Variants in TBC1D9 observed in about 807,000 individuals in gnomAD.
TBC1D9 encodes TBC1 domain family member 9A.
A neutral mutation model predicts 132.0 loss-of-function variants in TBC1D9; 63 were observed. The ratio of observed to expected loss-of-function variants is 0.48; its 90% CI spans 0.39 to 0.59. TBC1D9 has a LOEUF of 0.59. TBC1D9 is among the 20% of genes least tolerant of loss of function. The pLI, the probability that TBC1D9 is intolerant of heterozygous loss-of-function variation, is 0.00. For missense variants in TBC1D9, 1,261 were observed against 1,592.7 expected (o/e 0.79, Z 3.54); for synonymous variants, 610 against 609.9 (o/e 1.00, Z 0.00).
rs1736607396 is a variant in TBC1D9, at chr4:140,621,184, G to A, written c.*1011C>T. 6.6e-6 allele frequency: 1 copy of A among 152,596 alleles called. No individual in the cohort carries two copies. The highest frequency in any genetic ancestry group is 2.4e-5 in the African/African-American group (1 of 41,444). 9.5% of individuals were successfully genotyped at this position (152,596 alleles called of 1,614,324 possible). ...AAACATTCAGTTACATTATCTTGCA[G>A]ATTTTTTTTCAGTTTACATTATCTC... On this transcript the variant is annotated 3_prime_UTR_variant, in exon 21 of 21. Coordinates refer to ENST00000442267, the MANE Select transcript of TBC1D9 (RefSeq NM_015130.3).
intron 1 of TBC1D9, among the ~76,000 whole-genome samples, chr4:140,747,894 T>C (rs1342042765): frequency 6.6e-6 from 1 of 152,210 alleles, no homozygotes; most frequent in African/African-American, 2.4e-5. Flanking sequence ...CTAGAAAATA[T>C]ATCAGTACCA....
chr4:140,747,440 C>T (rs931366016), intron 1 of TBC1D9, among the ~76,000 whole-genome samples: 3 of 152,076 alleles, frequency 2.0e-5, no homozygotes, highest in Non-Finnish European at 4.4e-5. Flanking sequence ...TCTTTAAGGC[C>T]TTAGTTTCCT....
intron 13 of TBC1D9, among the ~76,000 whole-genome samples, chr4:140,647,365 C>A (rs1737119166): frequency 6.6e-6 from 1 of 152,168 alleles, no homozygotes; most frequent in South Asian, 2.1e-4. Flanking sequence ...CACCAACTAC[C>A]ATTCTATCAT....
chr4:140,747,978 G>A (rs1299157973), intron 1 of TBC1D9, among the ~76,000 whole-genome samples: 3 of 152,136 alleles, frequency 2.0e-5, no homozygotes, highest in Non-Finnish European at 4.4e-5. Flanking sequence ...TTCTCCTTCA[G>A]ATTAGTTTCA....
At chr4:140,665,856 T>A (rs535132789) in intron 9 of TBC1D9, among the ~76,000 whole-genome samples, 52 of 151,252 alleles carry the variant, frequency 3.4e-4, no homozygotes, top group South Asian at 8.4e-4. Flanking sequence ...AAAAAAAAAA[T>A]TTTTTTTTGT....
At chr4:140,678,785 A>C (rs1000376874) in intron 5 of TBC1D9, among the ~76,000 whole-genome samples, 157 bp downstream of exon 5, 1 of 152,154 alleles carries the variant, frequency 6.6e-6, no homozygotes, top group Admixed American at 6.6e-5. Flanking sequence ...CACTTTCTGA[A>C]CTGGTAGCAC....
At chr4:140,741,286 T>A (rs1738753847) in intron 1 of TBC1D9, among the ~76,000 whole-genome samples, 1 of 152,230 alleles carries the variant, frequency 6.6e-6, no homozygotes, top group Admixed American at 6.5e-5. Context: ...TTCTTTGACA[T>A]ATTTAAAGTG....
At chr4:140,693,438 A>G (rs1235254817) in intron 2 of TBC1D9, among the ~76,000 whole-genome samples, 3 of 152,240 alleles carry the variant, frequency 2.0e-5, no homozygotes, top group Non-Finnish European at 4.4e-5. Context: ...TCAAACTTCT[A>G]CAATGCCACA....
Position 140,641,744 on chromosome 4 carries a change from G to A in TBC1D9, c.2338-2316C>T, listed in dbSNP as rs768381772. 1.8e-3 allele frequency: 329 copies of A among 180,218 alleles called. 3 individuals carry two copies. The highest frequency in any genetic ancestry group is 3.3e-3 in the Non-Finnish European group (279 of 85,170). 11.2% of individuals were successfully genotyped at this position (180,218 alleles called of 1,614,324 possible). A position where few individuals can be genotyped will look rare whatever the true frequency, so the allele number is the denominator to read the frequency against. On this transcript the variant is annotated intron_variant, in intron 13 of 20. Transcript: ENST00000442267. ...AGCTAGCCGGCGATATTATCACAAC[G>A]ATACAGTACAAATCAAAGCAAAAAT... is the stretch of plus-strand genomic sequence containing the variant.
At chr4:140,753,343 C>T (rs1275142050) in intron 1 of TBC1D9, among the ~76,000 whole-genome samples, 3 of 152,114 alleles carry the variant, frequency 2.0e-5, no homozygotes, top group Admixed American at 1.3e-4. Context: ...ATCCTCCAGC[C>T]TCAGCCTCCC....
intron 7 of TBC1D9, among the ~76,000 whole-genome samples, chr4:140,670,379 T>G (rs1737517031): frequency 6.6e-6 from 1 of 152,242 alleles, no homozygotes; most frequent in Non-Finnish European, 1.5e-5. Flanking sequence ...ATCATCATAA[T>G]GATTTGTATT....
intron 3 of TBC1D9, among the ~76,000 whole-genome samples, chr4:140,685,754 T>C (rs922520495): frequency 6.6e-6 from 1 of 152,218 alleles, no homozygotes; most frequent in Non-Finnish European, 1.5e-5. Context: ...ATATCCCGCA[T>C]GTTCTCATTC....
chr4:140,626,009 AATG>A (rs1736705291), intron 18 of TBC1D9, among the ~76,000 whole-genome samples: 2 of 152,220 alleles, frequency 1.3e-5, no homozygotes, highest in African/African-American at 4.8e-5. Flanking sequence ...AGCATATTTC[AATG>A]ATATTACATG....
intron 1 of TBC1D9, among the ~76,000 whole-genome samples, chr4:140,738,111 T>A (rs553751358): frequency 5.9e-5 from 9 of 152,342 alleles, no homozygotes; most frequent in African/African-American, 1.9e-4. Flanking sequence ...TAACACAAAT[T>A]ACATTAATGA....
At chr4:140,653,389 C>T (rs565499997) in intron 13 of TBC1D9, among the ~76,000 whole-genome samples, 61 of 152,238 alleles carry the variant, frequency 4.0e-4, no homozygotes, top group African/African-American at 1.3e-3. Flanking sequence ...AGATTCTTAC[C>T]CACATCAGTG....
chr4:140,642,058 G>T (rs1339582424), intron 13 of TBC1D9: 3 of 686,412 alleles, frequency 4.4e-6, no homozygotes, highest in Non-Finnish European at 8.0e-6. Flanking sequence ...GGCTGGCTTA[G>T]GTTTCAGAGT....
At position 140,627,450 on chromosome 4, in the gene TBC1D9, A is replaced by G. The variant is rs779027222; in HGVS notation, c.2890T>C (p.Cys964Arg). ...QYFFEDITPE[C>R]THVVGLDSRS... is the part of the protein sequence containing the mutation. ...GAGAAAAGTCACTTACCATGTGTAC[A>G]TTCTGGGGTAATATCTTCAAAGAAG... Residue 964 changes from cysteine to arginine, a missense_variant, in exon 18 of 21, where the codon TGT (cysteine) becomes CGT (arginine). Coordinates refer to ENST00000442267, the MANE Select transcript of TBC1D9 (RefSeq NM_015130.3). 1.9e-6 allele frequency: 3 copies of G among 1,602,402 alleles called. No homozygotes were observed. The highest frequency in any genetic ancestry group is 1.1e-5 in the South Asian group (1 of 89,772).
intron 8 of TBC1D9, among the ~76,000 whole-genome samples, chr4:140,669,320 T>C (rs181831246): frequency 6.6e-6 from 1 of 152,312 alleles, no homozygotes; most frequent in East Asian, 1.9e-4. Context: ...TATGGTTTTA[T>C]GTCTGCACCC....
In TBC1D9 at chr4:140,656,781, A is replaced by G. The variant is rs73856694; in HGVS notation, c.2337+316T>C. Among the ~76,000 whole-genome samples the G allele has an allele frequency of 2.0e-3, 299 of 152,328 alleles. 2 individuals carry two copies. Among genetic ancestry groups the G allele is most frequent in the African/African-American group, 7.1e-3 (295 of 41,574 alleles). On this transcript the variant is annotated intron_variant, in intron 13 of 20. Transcript: ENST00000442267. ...ATCACCTGCAACATTTAGGTCATGA[A>G]GACTCTGCCTTCACAAATGGATTAA...
Sources: gnomAD v4.1 joint callset for allele counts (sites outside exome capture counted in the v4.1 genomes callset) on GRCh38, gnomAD v4.1.1 for gene constraint, MANE v1.5 for transcripts, NCBI Gene and HGNC (gene_info 2026-07-23, HGNC 2026-07-21) for gene names.